Variants in F11 observed in about 807,000 individuals in gnomAD.
F11 encodes the protein coagualtion factor XI.
F11 carries 78 observed loss-of-function variants against 76.5 expected under a neutral mutation model. The ratio of observed to expected loss-of-function variants is 1.02; its 90% CI spans 0.85 to 1.23. F11 has a LOEUF of 1.23. Ranked by LOEUF, F11 falls within the 50% of genes most tolerant of loss-of-function variation. The pLI is 0.00. For missense variants in F11, 742 were observed against 771.4 expected (o/e 0.96, Z 0.45); for synonymous variants, 278 against 276.3 (o/e 1.01, Z -0.06).
In F11 at chr4:186,280,543, C is replaced by T. The variant is rs951170069; in HGVS notation, c.1098C>T (p.Ile366=). ...PTKILHGRGG[I]SGYTLRLCKM... ...AAATACTTCACGGGAGAGGAGGCAT[C>T]TCTGGATACACATTAAGGTTGTGTA... The change falls in exon 10 of 15, where the codon ATC becomes ATT. Residue 366 remains isoleucine, a synonymous_variant. Transcript: ENST00000403665. 2 of 1,613,988 alleles carry T rather than the reference C, an allele frequency of 1.2e-6. No homozygotes were observed. Among genetic ancestry groups the T allele is most frequent in the South Asian group, 2.2e-5 (2 of 91,082 alleles).
intron 7 of F11, 138 bp downstream of exon 7, chr4:186,276,528 C>T (rs894486730): frequency 2.2e-6 from 2 of 891,630 alleles, no homozygotes; most frequent in East Asian, 2.7e-5. Flanking sequence ...TTTCTAGCCC[C>T]TCTCCCTTTC....
At chr4:186,276,524 GCCC>G in intron 7 of F11, 134 bp downstream of exon 7, 1 of 935,988 alleles carries the variant, frequency 1.1e-6, no homozygotes, top group Non-Finnish European at 1.6e-6. Flanking sequence ...AGAATTTCTA[GCCC>G]CTCTCCCTTT....
At chr4:186,288,199 A>C (rs113918000) in intron 14 of F11, among the ~76,000 whole-genome samples, 5 of 152,188 alleles carry the variant, frequency 3.3e-5, no homozygotes, top group African/African-American at 1.2e-4. Context: ...GGCGTGAGCC[A>C]CCGCGCCGGG....
chr4:186,277,227 G>T (rs777739859), intron 7 of F11, among the ~76,000 whole-genome samples: 1 of 152,150 alleles, frequency 6.6e-6, no homozygotes, highest in Non-Finnish European at 1.5e-5. Flanking sequence ...TGCTGCAAAA[G>T]ATATGATTTT....
chr4:186,273,965 T>G, intron 4 of F11, 151 bp from the exon 5 acceptor site: 1 of 787,838 alleles, frequency 1.3e-6, no homozygotes, highest in Non-Finnish European at 2.2e-6. Flanking sequence ...CTGCTTCCAT[T>G]CAAGAATAAG....
intron 3 of F11, 92 bp from the exon 4 acceptor site, chr4:186,272,979 T>C (rs961269870): frequency 1.2e-6 from 1 of 822,082 alleles, no homozygotes; most frequent in Non-Finnish European, 2.0e-6. Flanking sequence ...GTTTGTTTCC[T>C]TCTTTTTGGC....
At chr4:186,268,574 A>C (rs1198740316) in intron 2 of F11, among the ~76,000 whole-genome samples, 2 of 152,158 alleles carry the variant, frequency 1.3e-5, no homozygotes, top group African/African-American at 4.8e-5. Context: ...AAGGGAATTG[A>C]AAATCTGCAA....
At chr4:186,269,942 C>T (rs574611818) in intron 2 of F11, among the ~76,000 whole-genome samples, 4 of 152,152 alleles carry the variant, frequency 2.6e-5, no homozygotes, top group Admixed American at 2.0e-4. Flanking sequence ...CTTCAAGAAA[C>T]ATAATACGTA....
At chr4:186,268,094 G>A (rs1267272977) in intron 2 of F11, among the ~76,000 whole-genome samples, 1 of 152,004 alleles carries the variant, frequency 6.6e-6, no homozygotes, top group African/African-American at 2.4e-5. Context: ...CCCTGAATCA[G>A]GGGTTCCACA....
intron 7 of F11, among the ~76,000 whole-genome samples, chr4:186,276,778 G>A (rs1740421780): frequency 6.6e-6 from 1 of 151,630 alleles, no homozygotes; most frequent in Non-Finnish European, 1.5e-5. Context: ...TAGTAGAGAT[G>A]GGGTTTCACC....
At chr4:186,268,615 G>A (rs967904587) in intron 2 of F11, among the ~76,000 whole-genome samples, 3 of 151,676 alleles carry the variant, frequency 2.0e-5, no homozygotes, top group South Asian at 2.1e-4. Flanking sequence ...TATAATCACC[G>A]TGAATGGGAG....
rs1480327178 is a variant in F11, at chr4:186,288,492, G to A, written c.1756G>A (p.Val586Ile). 2 of 1,614,174 alleles carry A rather than the reference G, an allele frequency of 1.2e-6. No individual in the cohort carries two copies. The highest frequency in any genetic ancestry group is 1.7e-6 in the Non-Finnish European group (2 of 1,180,036). Residue 586 changes from valine to isoleucine, a missense_variant, in exon 15 of 15, where the codon GTC becomes ATC. Physicochemically the swap from Val to Ile is conservative, Grantham distance 29. Transcript: ENST00000403665. ...GGPLSCKHNE[V>I]WHLVGITSWG... ...CCCTCTGTCCTGCAAACACAATGAG[G>A]TCTGGCATCTGGTAGGCATCACGAG...
chr4:186,286,650 C>T, intron 13 of F11, 140 bp downstream of exon 13: 1 of 1,483,788 alleles, frequency 6.7e-7, no homozygotes, highest in Non-Finnish European at 9.0e-7. Context: ...GATGGAGAGG[C>T]AAAAATCACC....
intron 5 of F11, chr4:186,275,239 C>T: frequency 2.2e-6 from 1 of 453,966 alleles, no homozygotes; most frequent in South Asian, 1.6e-5. Flanking sequence ...ACCTGTAATC[C>T]CAGCACTTTG....
chr4:186,279,910 A>G, intron 7 of F11, 102 bp from the exon 8 acceptor site: 1 of 887,856 alleles, frequency 1.1e-6, no homozygotes, highest in Admixed American at 1.9e-5. Context: ...AATCTTCACA[A>G]CTAAGTGCTA....
At chr4:186,290,357 T>C (rs903921958), downstream of F11, among the ~76,000 whole-genome samples, 4 of 152,146 alleles carry the variant, frequency 2.6e-5, no homozygotes, top group African/African-American at 9.7e-5. Context: ...CGGTAGGACA[T>C]GACGGGGCCA....
chr4:186,274,019 G>A (rs1740177321), intron 4 of F11, 97 bp from the exon 5 acceptor site: 2 of 1,364,204 alleles, frequency 1.5e-6, no homozygotes, highest in African/African-American at 1.4e-5. Flanking sequence ...AGGAAAGGTG[G>A]GTGAAAAAGT....
intron 2 of F11, among the ~76,000 whole-genome samples, chr4:186,270,826 T>C (rs1309832412): frequency 6.6e-6 from 1 of 151,168 alleles, no homozygotes; most frequent in Non-Finnish European, 1.5e-5. Flanking sequence ...CCCGAGTAGC[T>C]GGGATTACAG....
chr4:186,284,188 C>T lies in F11; in HGVS notation c.1232C>T (p.Thr411Ile), dbSNP rs1741005816. The T allele has an allele frequency of 6.2e-7, 1 of 1,614,134 alleles. No individual in the cohort carries two copies. The highest frequency in any genetic ancestry group is 8.5e-7 in the Non-Finnish European group (1 of 1,180,056). Residue 411 changes from threonine to isoleucine, a missense_variant, in exon 11 of 15, where the codon ACT becomes ATT. Physicochemically the swap from Thr to Ile is moderately conservative, Grantham distance 89 (BLOSUM62 -1). Coordinates refer to ENST00000403665, the MANE Select transcript of F11 (RefSeq NM_000128.4). ...WQVTLHTTSPTQRHLCGGSII... is the reference protein window; with the variant it reads ...WQVTLHTTSPIQRHLCGGSII... The stretch of plus-strand genomic sequence containing the variant: ...GTGACCCTGCACACAACCTCACCCA[C>T]TCAGAGACACCTGTGTGGAGGCTCC...
Sources: gnomAD v4.1 joint callset for allele counts (sites outside exome capture counted in the v4.1 genomes callset) on GRCh38, gnomAD v4.1.1 for gene constraint, MANE v1.5 for transcripts, NCBI Gene and HGNC (gene_info 2026-07-23, HGNC 2026-07-21) for gene names.